Variants in SLAIN2 observed in about 807,000 individuals in gnomAD.
SLAIN2 encodes SLAIN motif-containing protein 2.
In SLAIN2, 31 loss-of-function variants were observed where a neutral mutation model predicts 56.6. The ratio of observed to expected loss-of-function variants is 0.55; its 90% CI spans 0.41 to 0.74. SLAIN2 has a LOEUF of 0.74. Among genes scored for constraint, SLAIN2 ranks in the 30% least tolerant of loss-of-function variants. SLAIN2 has a pLI of 0.00. For missense variants in SLAIN2, 777 were observed against 754.2 expected (o/e 1.03, Z -0.35); for synonymous variants, 317 against 284.9 (o/e 1.11, Z -1.13).
chr4:48,367,164 C>A (rs1290357739), intron 1 of SLAIN2, among the ~76,000 whole-genome samples: 1 of 152,234 alleles, frequency 6.6e-6, no homozygotes, highest in Non-Finnish European at 1.5e-5. Context: ...TACAGCTCAG[C>A]TCATGTGTCC....
At chr4:48,383,574 G>T in intron 5 of SLAIN2, 73 bp from the exon 6 acceptor site, 6 of 1,213,666 alleles carry the variant, frequency 4.9e-6, no homozygotes, top group African/African-American at 1.6e-5. Context: ...TTTGATTTTT[G>T]AATGCTAGTT....
intron 6 of SLAIN2, among the ~76,000 whole-genome samples, chr4:48,407,732 A>G (rs770239835): frequency 1.3e-5 from 2 of 152,172 alleles, no homozygotes; most frequent in Non-Finnish European, 2.9e-5. Flanking sequence ...CCTTTCTTAA[A>G]GTGTACTATT....
intron 1 of SLAIN2, among the ~76,000 whole-genome samples, chr4:48,360,764 A>C (rs1172958845): frequency 2.0e-5 from 3 of 152,130 alleles, no homozygotes; most frequent in Non-Finnish European, 4.4e-5. Context: ...GTCATTTCCC[A>C]TTCCTTCTCT....
chr4:48,376,913 CTTTTTTT>C (rs11347630), intron 2 of SLAIN2, among the ~76,000 whole-genome samples: 23 of 111,744 alleles, frequency 2.1e-4, no homozygotes, highest in African/African-American at 7.9e-4. Context: ...GCCCGGCCGA[CTTTTTTT>C]TTTTTTTTTT....
rs1357432524 is a variant in SLAIN2, at chr4:48,425,579, G to GT, written c.*3504dup. Reference sequence around the variant, plus strand: ...AATTACAATTAAAATAATATTACATGTTACAATTAGATTAATAGTGATGAG... The same window carrying GT: ...AATTACAATTAAAATAATATTACATGTTTACAATTAGATTAATAGTGATGAG... On this transcript the variant is annotated 3_prime_UTR_variant, in exon 8 of 8. Coordinates refer to ENST00000264313, the MANE Select transcript of SLAIN2 (RefSeq NM_020846.2). The GT allele has an allele frequency of 6.6e-6, 1 of 152,022 alleles. No individual in the cohort carries two copies. The highest frequency in any genetic ancestry group is 1.5e-5 in the Non-Finnish European group (1 of 67,994). 9.4% of individuals were successfully genotyped at this position (152,022 alleles called of 1,614,324 possible). A position where few individuals can be genotyped will look rare whatever the true frequency, so the allele number is the denominator to read the frequency against.
intron 1 of SLAIN2, among the ~76,000 whole-genome samples, chr4:48,349,843 C>G (rs1440232705): frequency 6.6e-6 from 1 of 152,040 alleles, no homozygotes; most frequent in African/African-American, 2.4e-5. Flanking sequence ...TGAGTAACTG[C>G]CATAGGTGGA....
At chr4:48,421,934 A>G in intron 7 of SLAIN2, 77 bp from the exon 8 acceptor site, 1 of 1,176,278 alleles carries the variant, frequency 8.5e-7, no homozygotes. Context: ...AGAGTAATTA[A>G]TATATGTGTG....
At chr4:48,356,556 G>A (rs1007133129) in intron 1 of SLAIN2, among the ~76,000 whole-genome samples, 2 of 152,154 alleles carry the variant, frequency 1.3e-5, no homozygotes, top group African/African-American at 4.8e-5. Context: ...TGCAAGTCTG[G>A]AATAGTTTGA....
intron 2 of SLAIN2, among the ~76,000 whole-genome samples, chr4:48,372,902 A>G (rs1715706642): frequency 6.6e-6 from 1 of 152,008 alleles, no homozygotes; most frequent in Admixed American, 6.6e-5. Flanking sequence ...TTTTTTAAAT[A>G]CACTTTTTTG....
rs544955389 is a variant in SLAIN2 at position 48,348,668 on chromosome 4, C to T, written c.389+6540C>T. 8.6e-5 allele frequency among the ~76,000 whole-genome samples: 12 copies of T among 138,852 alleles called. No homozygotes were observed. In the South Asian group the frequency reaches 2.8e-3, roughly 32 times the overall value. 91.1% of individuals were successfully genotyped at this position (138,852 alleles called of 152,430 possible). ...TCACGCCATTATACTCCAGCCTGGG[C>T]GACAGAGCAAGACTCTGTCTCAAAA... On this transcript the variant is annotated intron_variant, in intron 1 of 7. Transcript: ENST00000264313.
In SLAIN2 at chr4:48,341,631, C is replaced by A. The variant is rs1714700913; in HGVS notation, c.-109C>A. 2 of 1,436,258 alleles carry A rather than the reference C, an allele frequency of 1.4e-6. No homozygotes were observed. The highest frequency in any genetic ancestry group is 1.8e-6 in the Non-Finnish European group (2 of 1,093,164). 89.0% of individuals were successfully genotyped at this position (1,436,258 alleles called of 1,614,324 possible). Reference sequence around the variant, plus strand: ...CGGTGGGGCCTGGTCCTGCTATATGCCGGCGCCTCGGCTAGAGTGAGCGGC... The same window carrying A: ...CGGTGGGGCCTGGTCCTGCTATATGACGGCGCCTCGGCTAGAGTGAGCGGC... On this transcript the variant is annotated 5_prime_UTR_variant, in exon 1 of 8. An upstream open reading frame in the 5' UTR gains an earlier in-frame stop. Coordinates refer to ENST00000264313, the MANE Select transcript of SLAIN2 (RefSeq NM_020846.2).
chr4:48,376,735 C>A (rs1715824675), intron 2 of SLAIN2, among the ~76,000 whole-genome samples: 1 of 149,282 alleles, frequency 6.7e-6, no homozygotes, highest in Admixed American at 6.7e-5. Context: ...CATTCTCCTG[C>A]CTCAGCCTCT....
chr4:48,351,052 T>TC (rs1025848824), intron 1 of SLAIN2, among the ~76,000 whole-genome samples: 19 of 152,274 alleles, frequency 1.2e-4, no homozygotes, highest in African/African-American at 3.6e-4. Flanking sequence ...CTGAAACTCC[T>TC]CCCCCACACA....
In SLAIN2 at chr4:48,377,878, C is replaced by T. The variant is rs1414785427; in HGVS notation, c.539-18C>T. 1 of 1,595,064 alleles carries T rather than the reference C, an allele frequency of 6.3e-7. No individual in the cohort carries two copies. The highest frequency in any genetic ancestry group is 2.3e-5 in the East Asian group (1 of 44,334). On this transcript the variant is annotated intron_variant, in intron 2 of 7. Coordinates refer to ENST00000264313, the MANE Select transcript of SLAIN2 (RefSeq NM_020846.2). ...TTCTCAGTTGTTAAATTTGATTTTC[C>T]CCTTCTCATTAATGCAGCTCTCAAG...
intron 6 of SLAIN2, among the ~76,000 whole-genome samples, chr4:48,390,686 T>C (rs545192905): frequency 2.6e-5 from 4 of 152,214 alleles, no homozygotes; most frequent in Non-Finnish European, 5.9e-5. Context: ...GAAGTTACAT[T>C]GATCATTTTT....
intron 2 of SLAIN2, among the ~76,000 whole-genome samples, chr4:48,374,561 A>G (rs1303821338): frequency 6.6e-6 from 1 of 152,152 alleles, no homozygotes; most frequent in African/African-American, 2.4e-5. Flanking sequence ...GTGGACTTTT[A>G]AGAGCACTAG....
In SLAIN2 at chr4:48,341,688, G is replaced by C; in HGVS notation, c.-52G>C. On this transcript the variant is annotated 5_prime_UTR_variant, in exon 1 of 8. Transcript: ENST00000264313. ...GCCTCTTTCCTCCGTCTCTTTCCCT[G>C]TCGCTGCGAGAGCGAGCGGGCGGCG... 6.6e-7 allele frequency: 1 copy of C among 1,513,782 alleles called. No homozygotes were observed. The highest frequency in any genetic ancestry group is 8.8e-7 in the Non-Finnish European group (1 of 1,130,480). The allele number at this position is 1,513,782 out of a possible 1,614,324, so 93.8% of individuals were successfully genotyped here.
intron 1 of SLAIN2, among the ~76,000 whole-genome samples, chr4:48,365,687 G>T (rs532270396): frequency 1.3e-5 from 2 of 151,658 alleles, no homozygotes; most frequent in South Asian, 2.1e-4. Flanking sequence ...TCAGTCTCCC[G>T]AGTAGCTGGG....
intron 1 of SLAIN2, among the ~76,000 whole-genome samples, chr4:48,365,796 C>T (rs1423658698): frequency 6.6e-6 from 1 of 152,154 alleles, no homozygotes; most frequent in Non-Finnish European, 1.5e-5. Flanking sequence ...CTCCTGACCT[C>T]AGGTGATCCA....
Sources: allele counts gnomAD v4.1 joint callset (sites outside exome capture counted in the v4.1 genomes callset), GRCh38; gene constraint gnomAD v4.1.1; transcripts MANE v1.5; gene names NCBI Gene and HGNC (gene_info 2026-07-23, HGNC 2026-07-21).